HDAC5: variants seen among roughly 807,000 people sequenced by gnomAD.
HDAC5 encodes the protein histone deacetylase 5.
Under a neutral mutation model 133.3 loss-of-function variants are expected in HDAC5, and 25 were observed. That is an observed-to-expected ratio of 0.19 (90% CI 0.14 to 0.26). HDAC5 has a LOEUF of 0.26. Among genes scored for constraint, HDAC5 ranks in the 10% least tolerant of loss-of-function variants. HDAC5 has a pLI of 1.00. For synonymous variants in HDAC5, 589 were observed against 610.8 expected (o/e 0.96, Z 0.53); for missense variants, 1,041 against 1,460.5 (o/e 0.71, Z 4.68).
At chr17:44,118,876 C>T (rs573827863) in intron 1 of HDAC5, among the ~76,000 whole-genome samples, 1 of 152,316 alleles carries the variant, frequency 6.6e-6, no homozygotes, top group South Asian at 2.1e-4. Flanking sequence ...AGGATTAATT[C>T]TCAGTAAGCC....
chr17:44,123,579 G>C lies in HDAC5; in HGVS notation c.-265C>G. 5.0e-6 allele frequency: 2 copies of C among 400,212 alleles called. No homozygotes were observed. The highest frequency in any genetic ancestry group is 3.6e-5 in the East Asian group (1 of 28,100). The allele number at this position is 400,212 out of a possible 1,614,324, so 24.8% of individuals were successfully genotyped here. ...GCGGCAGCGGCGGCAGCACCTCCTCGACGGCTCCTCCATCTTTGCGGCGGC... is the reference window on the plus strand; with the variant it reads ...GCGGCAGCGGCGGCAGCACCTCCTCCACGGCTCCTCCATCTTTGCGGCGGC... On this transcript the variant is annotated 5_prime_UTR_variant, in exon 1 of 27. Transcript: ENST00000682912.
At position 44,083,865 on chromosome 17, in the gene HDAC5, G is replaced by C; in HGVS notation, c.2306-11C>G. ...TCTGGCTGATGGGGCCTGCATGGAAGAGGAATAGAGCTACTCTAGAAGTGG... is the reference window on the plus strand; with the variant it reads ...TCTGGCTGATGGGGCCTGCATGGAACAGGAATAGAGCTACTCTAGAAGTGG... On this transcript the variant is annotated splice_polypyrimidine_tract_variant and intron_variant, in intron 16 of 26. Transcript: ENST00000682912. The C allele has an allele frequency of 2.5e-6, 4 of 1,613,370 alleles. No homozygotes were observed. Among genetic ancestry groups the C allele is most frequent in the African/African-American group, 1.3e-5 (1 of 74,928 alleles).
intron 14 of HDAC5, chr17:44,085,395 G>GTT: frequency 2.9e-6 from 1 of 349,620 alleles, no homozygotes; most frequent in Non-Finnish European, 5.2e-6. Context: ...GTGTAGTGGT[G>GTT]CTATCATGGC....
At chr17:44,086,199 A>G (rs961438092) in intron 14 of HDAC5, among the ~76,000 whole-genome samples, 1 of 152,128 alleles carries the variant, frequency 6.6e-6, no homozygotes, top group Admixed American at 6.5e-5. Flanking sequence ...GTCCCCCCAG[A>G]GCCCAGCCTG....
rs2051015189 is a variant in HDAC5 at position 44,092,697 on chromosome 17, C to G, written c.751G>C (p.Asp251His). The G allele has an allele frequency of 6.6e-7, 1 of 1,515,404 alleles. No individual in the cohort carries two copies. Among genetic ancestry groups the G allele is most frequent in the Admixed American group, 2.2e-5 (1 of 44,676 alleles). 93.9% of individuals were successfully genotyped at this position (1,515,404 alleles called of 1,614,324 possible). The change falls in exon 7 of 27, where the codon GAC becomes CAC. Residue 251 changes from aspartate (D) to histidine (H), a missense_variant. Asp to His is a moderately conservative substitution (Grantham distance 81). Around this residue, in one of 9 missense-constraint regions of HDAC5, gnomAD observed 8 missense variants for 31.9 expected, o/e 0.25. Transcript: ENST00000682912. ...TCACCTGTTTTGCGGAGGGGGAAGT[C>G]GTCTCGACTGTCGTAGGGCCCAGGC... is the stretch of plus-strand genomic sequence containing the variant. ...PLPGPYDSRD[D>H]FPLRKTASEP...
At chr17:44,111,484 A>G in intron 2 of HDAC5, 1 of 444,650 alleles carries the variant, frequency 2.2e-6, no homozygotes. Flanking sequence ...CAGGGTACCC[A>G]TGCATCTGGG....
chr17:44,123,319 G>C (rs1165761423), intron 1 of HDAC5, 185 bp downstream of exon 1: 1 of 326,784 alleles, frequency 3.1e-6, no homozygotes, highest in Non-Finnish European at 5.5e-6. Context: ...CCGATGTCCC[G>C]CTCACGGGCT....
Position 44,091,832 on chromosome 17 carries a change from C to G in HDAC5, c.1033-1G>C. 6.4e-7 allele frequency: 1 copy of G among 1,552,610 alleles called. No individual in the cohort carries two copies. Among genetic ancestry groups the G allele is most frequent in the Non-Finnish European group, 8.7e-7 (1 of 1,151,936 alleles). On this transcript the variant is annotated splice_acceptor_variant, in intron 9 of 26. Transcript: ENST00000682912. LOFTEE classifies it high-confidence loss of function. ...GGAGGGCTCGGTGCTGAGGGAGCAT[C>G]TGGGGAGCAGTCAGAAGAGACAGGC...
In HDAC5 at chr17:44,093,928, G is replaced by C. The variant is rs2051101755; in HGVS notation, c.95-94C>G. The stretch of plus-strand genomic sequence containing the variant: ...AAGGCTACCACGCAGGATTCTAGGA[G>C]ACCCAAAGAGAACAGAGACAGAGAG... On this transcript the variant is annotated intron_variant, in intron 3 of 26. Coordinates refer to ENST00000682912, the MANE Select transcript of HDAC5 (RefSeq NM_005474.5). The C allele has an allele frequency of 2.2e-6, 3 of 1,394,026 alleles. No homozygotes were observed. The South Asian group carries it at 5.4e-5, about 25-fold the overall frequency. The allele number at this position is 1,394,026 out of a possible 1,614,324, so 86.4% of individuals were successfully genotyped here.
chr17:44,104,468 C>T (rs1347100317), intron 3 of HDAC5, among the ~76,000 whole-genome samples: 2 of 152,212 alleles, frequency 1.3e-5, no homozygotes, highest in African/African-American at 4.8e-5. Flanking sequence ...TTCAGACTGT[C>T]TGAATGTCAC....
intron 3 of HDAC5, among the ~76,000 whole-genome samples, chr17:44,094,087 C>T (rs1175152279): frequency 6.6e-6 from 1 of 152,180 alleles, no homozygotes; most frequent in Non-Finnish European, 1.5e-5. Context: ...GTTTGGGAGG[C>T]TGAGGCAGGC....
At chr17:44,089,186 A>G (rs911748280) in intron 11 of HDAC5, among the ~76,000 whole-genome samples, 2 of 152,248 alleles carry the variant, frequency 1.3e-5, no homozygotes, top group African/African-American at 4.8e-5. Context: ...TAGATTTCAA[A>G]GAGTATGAAA....
chr17:44,093,537 C>T (rs1409728407), intron 4 of HDAC5, 38 bp downstream of exon 4: 6 of 1,597,562 alleles, frequency 3.8e-6, no homozygotes, highest in African/African-American at 2.7e-5. Flanking sequence ...GGGCGGGGAT[C>T]GGAGGTCTGG....
intron 1 of HDAC5, among the ~76,000 whole-genome samples, chr17:44,119,534 G>C (rs556890638): frequency 4.7e-4 from 71 of 152,190 alleles, no homozygotes; most frequent in Non-Finnish European, 9.1e-4. Context: ...GCAGCTCCTT[G>C]AACTCATGGT....
chr17:44,100,238 G>A (rs978074162), intron 3 of HDAC5, among the ~76,000 whole-genome samples: 8 of 152,070 alleles, frequency 5.3e-5, no homozygotes, highest in Non-Finnish European at 8.8e-5. Flanking sequence ...ACCATGAGCT[G>A]CACCCCAGGT....
At chr17:44,093,532 G>A in intron 4 of HDAC5, 43 bp downstream of exon 4, 1 of 1,597,788 alleles carries the variant, frequency 6.3e-7, no homozygotes, top group Non-Finnish European at 8.5e-7. Flanking sequence ...GGCCCGGGCG[G>A]GGATCGGAGG....
intron 2 of HDAC5, 149 bp from the exon 3 acceptor site, chr17:44,110,949 A>G (rs2052301510): frequency 1.5e-5 from 10 of 653,928 alleles, no homozygotes; most frequent in Middle Eastern, 3.7e-4. Context: ...CGCACAGCAC[A>G]GGTTCCCTCA....
At position 44,078,620 on chromosome 17, in the gene HDAC5, C is replaced by T. The variant is rs766030096; in HGVS notation, c.3209G>A (p.Arg1070Gln). The T allele has an allele frequency of 3.7e-6, 6 of 1,607,198 alleles. No homozygotes were observed. The highest frequency in any genetic ancestry group is 2.2e-5 in the East Asian group (1 of 44,870). Reference sequence around the variant, plus strand: ...ACCTGCTTGGGCCTCTCGCAGGGACCGGCCCAGACCAGCGGCGAACTTCTG... The same window carrying T: ...ACCTGCTTGGGCCTCTCGCAGGGACTGGCCCAGACCAGCGGCGAACTTCTG... ...CVQKFAAGLG[R>Q]SLREAQAGET... Residue 1070 changes from arginine to glutamine, a missense_variant, in exon 26 of 27, where the codon CGG becomes CAG. This residue lies in a region of HDAC5 where 95 missense variants were observed against 107.3 expected (regional missense o/e 0.88). Coordinates refer to ENST00000682912, the MANE Select transcript of HDAC5 (RefSeq NM_005474.5).
At chr17:44,116,888 T>C (rs2052681084) in intron 2 of HDAC5, among the ~76,000 whole-genome samples, 4 of 151,906 alleles carry the variant, frequency 2.6e-5, no homozygotes, top group Admixed American at 2.6e-4. Context: ...GACCCCAGAT[T>C]AGCAATCTAC....
Sources: allele counts gnomAD v4.1 joint callset (sites outside exome capture counted in the v4.1 genomes callset), GRCh38; gene constraint gnomAD v4.1.1; regional missense constraint gnomAD v4.1.1; transcripts MANE v1.5; gene names NCBI Gene and HGNC (gene_info 2026-07-23, HGNC 2026-07-21).